The following FARS2 variants were observed in gnomAD, a reference collection of about 807,000 sequenced individuals.
FARS2 encodes the protein phenylalanyl-tRNA synthetase 2, mitochondrial.
FARS2 carries 40 observed loss-of-function variants against 46.4 expected under a neutral mutation model. That is an observed-to-expected ratio of 0.86 (90% CI 0.67 to 1.12). The LOEUF (loss-of-function observed/expected upper bound fraction) is 1.12. Among genes scored for constraint, FARS2 ranks in the 50% most tolerant of loss-of-function variants. FARS2 has a pLI of 0.00. For missense variants in FARS2, 513 were observed against 567.9 expected, an observed-to-expected ratio of 0.90 and a Z score of 0.98; for synonymous variants, 234 against 214.9, an observed-to-expected ratio of 1.09 and a Z score of -0.78.
chr6:5,642,315 T>C (rs1036154727), intron 6 of FARS2, among the ~76,000 whole-genome samples: 1 of 152,216 alleles, frequency 6.6e-6, no homozygotes, highest in Non-Finnish European at 1.5e-5. Context: ...TGAGCTACAT[T>C]GATCCAGGAC....
At chr6:5,672,847 T>C (rs1272596829) in intron 6 of FARS2, among the ~76,000 whole-genome samples, 1 of 152,148 alleles carries the variant, frequency 6.6e-6, no homozygotes, top group African/African-American at 2.4e-5. Context: ...TTGGAGACAC[T>C]GTATTTTGCC....
Position 5,315,172 on chromosome 6 carries a change from G to T in FARS2, c.-21-53378G>T, listed in dbSNP as rs577027147. ...TTTGGAATAAGTAACAGCCTATCTG[G>T]GTATTATAATGTATATAATCTACTA... On this transcript the variant is annotated intron_variant, in intron 1 of 6. Coordinates refer to ENST00000274680, the MANE Select transcript of FARS2 (RefSeq NM_006567.5). Among the ~76,000 whole-genome samples, 3 of 152,240 alleles carry T rather than the reference G, an allele frequency of 2.0e-5. No homozygotes were observed. The East Asian group carries it at 5.8e-4, about 29-fold the overall frequency.
chr6:5,451,023 C>T (rs1333458902), intron 4 of FARS2, among the ~76,000 whole-genome samples: 4 of 152,106 alleles, frequency 2.6e-5, no homozygotes, highest in South Asian at 2.1e-4. Context: ...ATTTTAGATA[C>T]GATTGGAGGT....
intron 2 of FARS2, among the ~76,000 whole-genome samples, chr6:5,384,714 A>T (rs947042452): frequency 2.0e-5 from 3 of 152,168 alleles, no homozygotes; most frequent in African/African-American, 7.2e-5. Flanking sequence ...AGACTGAAAT[A>T]GGAGGAACCT....
chr6:5,754,473 A>G (rs1047833552), intron 6 of FARS2, among the ~76,000 whole-genome samples: 3 of 152,360 alleles, frequency 2.0e-5, no homozygotes, highest in African/African-American at 7.2e-5. Context: ...CAGTCTTGCC[A>G]GAGAGTAAAC....
intron 5 of FARS2, among the ~76,000 whole-genome samples, chr6:5,547,953 A>T (rs1205158277): frequency 6.6e-6 from 1 of 152,226 alleles, no homozygotes; most frequent in Non-Finnish European, 1.5e-5. Flanking sequence ...GCTGATAAAG[A>T]TATACCCCAG....
At chr6:5,723,544 C>G (rs991337324) in intron 6 of FARS2, among the ~76,000 whole-genome samples, 1 of 152,194 alleles carries the variant, frequency 6.6e-6, no homozygotes, top group East Asian at 1.9e-4. Context: ...ACCGCTGTCA[C>G]AAGCCTCTCA....
intron 4 of FARS2, among the ~76,000 whole-genome samples, chr6:5,530,153 G>T (rs976300650): frequency 3.3e-5 from 5 of 152,076 alleles, no homozygotes; most frequent in Non-Finnish European, 5.9e-5. Flanking sequence ...TAAGCATCGG[G>T]GTCTCCAGAT....
intron 6 of FARS2, among the ~76,000 whole-genome samples, chr6:5,692,587 G>A (rs529406709): frequency 1.3e-5 from 2 of 152,094 alleles, no homozygotes; most frequent in South Asian, 4.1e-4. Context: ...AAATAGATAG[G>A]CAAAAGCTAA....
At chr6:5,528,898 G>A (rs1430855590) in intron 4 of FARS2, among the ~76,000 whole-genome samples, 1 of 152,118 alleles carries the variant, frequency 6.6e-6, no homozygotes, top group Non-Finnish European at 1.5e-5. Flanking sequence ...TAATAATAAT[G>A]GAAGCTGACC....
At chr6:5,338,133 A>G (rs1265849508) in intron 1 of FARS2, among the ~76,000 whole-genome samples, 4 of 152,354 alleles carry the variant, frequency 2.6e-5, no homozygotes, top group East Asian at 1.9e-4. Context: ...CACTGATTCA[A>G]AAGTAAAACC....
intron 6 of FARS2, among the ~76,000 whole-genome samples, chr6:5,713,720 A>G (rs1041144232): frequency 3.3e-5 from 5 of 152,216 alleles, no homozygotes; most frequent in African/African-American, 1.2e-4. Context: ...AGAGCTTTCA[A>G]AGGGGCTTTT....
chr6:5,670,618 C>T (rs748992523), intron 6 of FARS2, among the ~76,000 whole-genome samples: 5 of 152,150 alleles, frequency 3.3e-5, no homozygotes, highest in Non-Finnish European at 7.3e-5. Context: ...ATTACTTGTA[C>T]GTACTTTTAG....
chr6:5,502,342 G>T (rs1767853711), intron 4 of FARS2, among the ~76,000 whole-genome samples: 1 of 152,152 alleles, frequency 6.6e-6, no homozygotes, highest in African/African-American at 2.4e-5. Context: ...GCAAGGGTTT[G>T]TCACATTTTA....
chr6:5,355,549 G>A lies in FARS2; in HGVS notation c.-21-13001G>A, dbSNP rs192412540. On this transcript the variant is annotated intron_variant, in intron 1 of 6. Transcript: ENST00000274680. The stretch of plus-strand genomic sequence containing the variant: ...TTTTTTTGTAATTTTAGTAGAGATG[G>A]GGTTTCACCATGCTGGCCAGGCTGG... Among the ~76,000 whole-genome samples, 236 of 151,644 alleles carry A rather than the reference G, an allele frequency of 1.6e-3. 1 individual carries two copies. Among genetic ancestry groups the A allele is most frequent in the Non-Finnish European group, 2.1e-3 (145 of 67,896 alleles).
At chr6:5,255,158 C>G in the FARS2 span, among the ~76,000 whole-genome samples, 1 of 152,158 alleles carries the variant, frequency 6.6e-6, no homozygotes, top group African/African-American at 2.4e-5. Context: ...TTTCTTCAAC[C>G]CTACAGTAGT....
chr6:5,542,476 G>T (rs747573931), intron 4 of FARS2, among the ~76,000 whole-genome samples: 2 of 152,092 alleles, frequency 1.3e-5, no homozygotes, highest in Admixed American at 6.5e-5. Flanking sequence ...TTAATTCAGG[G>T]TTTCTCTGTT....
intron 6 of FARS2, among the ~76,000 whole-genome samples, chr6:5,723,186 T>C (rs999571966): frequency 3.9e-5 from 6 of 151,956 alleles, no homozygotes; most frequent in Non-Finnish European, 5.9e-5. Context: ...CACTCGCGAG[T>C]GTGTCGGGAG....
intron 5 of FARS2, among the ~76,000 whole-genome samples, chr6:5,582,528 T>G (rs1773395289): frequency 6.6e-6 from 1 of 152,256 alleles, no homozygotes; most frequent in African/African-American, 2.4e-5. Flanking sequence ...TAGACATCTG[T>G]CCTACGGTAC....
Sources: gnomAD v4.1 joint callset for allele counts (sites outside exome capture counted in the v4.1 genomes callset) on GRCh38, gnomAD v4.1.1 for gene constraint, MANE v1.5 for transcripts, NCBI Gene and HGNC (gene_info 2026-07-23, HGNC 2026-07-21) for gene names.